Variants in BCAS1 observed in about 807,000 individuals in gnomAD.
The protein encoded by BCAS1 is breast carcinoma-amplified sequence 1.
In BCAS1, 46 loss-of-function variants were observed where a neutral mutation model predicts 65.4. The ratio of observed to expected loss-of-function variants is 0.70; its 90% confidence interval spans 0.55 to 0.90. The LOEUF (loss-of-function observed/expected upper bound fraction) is 0.90. Among genes scored for constraint, BCAS1 ranks in the 40% least tolerant of loss-of-function variants. The pLI, the probability that BCAS1 is intolerant of heterozygous loss-of-function variation, is 0.00. For synonymous variants in BCAS1, 298 were observed against 293.5 expected, an observed-to-expected ratio of 1.02 and a Z score of -0.16; for missense variants, 793 against 771.2, an observed-to-expected ratio of 1.03 and a Z score of -0.33.
In BCAS1 at chr20:54,028,824, C is replaced by A. The variant is rs150059555; in HGVS notation, c.291G>T (p.Leu97Phe). 4.2e-5 allele frequency: 67 copies of A among 1,614,044 alleles called. No individual in the cohort carries two copies. In the African/African-American group the frequency reaches 7.5e-4, roughly 18 times the overall value. The change falls in exon 4 of 13, where the codon TTG becomes TTT. Residue 97 changes from leucine (L) to phenylalanine (F), a missense_variant. Transcript: ENST00000688948. The stretch of plus-strand genomic sequence containing the variant: ...GTCCTGGTACAGGCCGAGAGAGCAT[C>A]AAGAAAAAACGAGATTTAGCAGCTG... ...EAPAAKSRFF[L>F]MLSRPVPGRT...
At chr20:53,980,734 T>G (rs1228917196) in intron 8 of BCAS1, among the ~76,000 whole-genome samples, 1 of 152,232 alleles carries the variant, frequency 6.6e-6, no homozygotes, top group Non-Finnish European at 1.5e-5. Context: ...CAAGCCTGGA[T>G]CTCACATTTA....
intron 12 of BCAS1, 60 bp from the exon 13 acceptor site, chr20:53,945,056 A>T (rs2089267696): frequency 8.1e-6 from 11 of 1,363,174 alleles, no homozygotes; most frequent in Non-Finnish European, 1.2e-5. Flanking sequence ...AACAGCAACA[A>T]TGGCCATTTA....
chr20:54,050,796 A>G (rs1325362612), intron 3 of BCAS1, among the ~76,000 whole-genome samples: 1 of 152,168 alleles, frequency 6.6e-6, no homozygotes, highest in Non-Finnish European at 1.5e-5. Context: ...TTGAGAACAT[A>G]TGTGCCTTTT....
chr20:54,070,545 C>G lies in BCAS1; in HGVS notation c.-118G>C, dbSNP rs188776378. The G allele has an allele frequency of 2.5e-3, 377 of 152,704 alleles. 2 individuals are homozygous for G. Among genetic ancestry groups the G allele is most frequent in the African/African-American group, 8.7e-3 (362 of 41,580 alleles). The allele number at this position is 152,704 out of a possible 1,614,324, so 9.5% of individuals were successfully genotyped here. ...GCCCAGTGCCTGGCTGTCGGTGGAG[C>G]CTGGCTCCCTGCACTTTGCTTCCTT... On this transcript the variant is annotated 5_prime_UTR_variant, in exon 1 of 13. Transcript: ENST00000688948.
rs1394066900 is a variant in BCAS1, at chr20:54,036,490, G to A, written c.143-7518C>T. ...TTTCCAGTGCCATCTTCGTGTAATT[G>A]TTAAGAACTTGGATTGTGGATCACA... On this transcript the variant is annotated intron_variant, in intron 3 of 12. Transcript: ENST00000688948. 6.0e-5 allele frequency among the ~76,000 whole-genome samples: 9 copies of A among 151,250 alleles called. 1 individual carries two copies. Among genetic ancestry groups the A allele is most frequent in the Non-Finnish European group, 4.4e-5 (3 of 67,634 alleles).
intron 3 of BCAS1, among the ~76,000 whole-genome samples, chr20:54,044,101 A>T (rs1223252745): frequency 6.6e-6 from 1 of 152,324 alleles, no homozygotes; most frequent in African/African-American, 2.4e-5. Flanking sequence ...AGCTGATTTT[A>T]AAAAAATGTC....
intron 3 of BCAS1, among the ~76,000 whole-genome samples, chr20:54,039,158 T>A (rs2091948496): frequency 6.6e-6 from 1 of 151,408 alleles, no homozygotes; most frequent in African/African-American, 2.4e-5. Context: ...GTTGTGCAAA[T>A]GCATTTGTTG....
intron 1 of BCAS1, among the ~76,000 whole-genome samples, chr20:54,064,263 C>T (rs2092409858): frequency 6.6e-6 from 1 of 152,226 alleles, no homozygotes; most frequent in Non-Finnish European, 1.5e-5. Flanking sequence ...TAGGTGATTT[C>T]CATGGCTGAG....
intron 10 of BCAS1, among the ~76,000 whole-genome samples, chr20:53,962,195 C>T (rs1281976084): frequency 1.3e-5 from 2 of 152,108 alleles, no homozygotes; most frequent in South Asian, 2.1e-4. Context: ...TTGTAACTAC[C>T]GTCACAGACC....
chr20:54,065,809 A>G (rs1031768903), intron 1 of BCAS1, among the ~76,000 whole-genome samples: 29 of 152,188 alleles, frequency 1.9e-4, no homozygotes, highest in South Asian at 6.2e-4. Flanking sequence ...GGTGGAGGGA[A>G]GGACCATAAT....
intron 10 of BCAS1, among the ~76,000 whole-genome samples, chr20:53,966,013 T>C (rs1381580698): frequency 2.0e-5 from 3 of 152,160 alleles, no homozygotes; most frequent in African/African-American, 7.2e-5. Flanking sequence ...AACGGAACAC[T>C]TTTACACTGT....
Position 54,058,149 on chromosome 20 carries a change from G to A in BCAS1, c.78C>T (p.Asn26=). The A allele has an allele frequency of 2.0e-5, 32 of 1,613,950 alleles. No homozygotes were observed. The highest frequency in any genetic ancestry group is 2.7e-5 in the African/African-American group (2 of 75,036). ...CTGGAACCCCGTTCAGAGCAGACGC[G>A]TTGTCCTGAAACAGAGCACGTGGCA... ...NEPEAETYQD[N]ASALNGVPVV... Residue 26 remains asparagine, a synonymous_variant, in exon 3 of 13, where the codon AAC becomes AAT. Coordinates refer to ENST00000688948, the MANE Select transcript of BCAS1 (RefSeq NM_001366298.2).
intron 4 of BCAS1, among the ~76,000 whole-genome samples, chr20:53,998,854 C>A (rs1427384080): frequency 6.6e-6 from 1 of 152,108 alleles, no homozygotes; most frequent in East Asian, 1.9e-4. Context: ...AACCACTATA[C>A]AAATAAATGC....
intron 10 of BCAS1, among the ~76,000 whole-genome samples, chr20:53,960,672 C>A (rs2299736): frequency 0.021 from 3,129 of 151,748 alleles, 81 homozygotes; most frequent in East Asian, 0.098. Context: ...CTGTTTCCTT[C>A]CTTCCTTCCT....
intron 1 of BCAS1, among the ~76,000 whole-genome samples, chr20:54,067,132 T>A (rs895686344): frequency 2.4e-4 from 37 of 152,192 alleles, no homozygotes; most frequent in African/African-American, 8.7e-4. Flanking sequence ...CCCAGCAGTT[T>A]GGGAGGCTGA....
At chr20:54,014,031 T>G (rs1355889614) in intron 4 of BCAS1, among the ~76,000 whole-genome samples, 1 of 152,200 alleles carries the variant, frequency 6.6e-6, no homozygotes, top group Non-Finnish European at 1.5e-5. Context: ...ATATGCATGA[T>G]TAACTAAAAA....
chr20:53,961,001 A>G (rs1486240300), intron 10 of BCAS1, among the ~76,000 whole-genome samples: 1 of 152,218 alleles, frequency 6.6e-6, no homozygotes, highest in African/African-American at 2.4e-5. Flanking sequence ...TTTATTCATG[A>G]CAGTCAAAGG....
chr20:53,985,171 TGAAGAA>T, intron 8 of BCAS1, 110 bp downstream of exon 8: 1 of 1,020,348 alleles, frequency 9.8e-7, no homozygotes, highest in Non-Finnish European at 1.5e-6. Context: ...CGAGTCATTT[TGAAGAA>T]GAAGAAACAC....
intron 9 of BCAS1, among the ~76,000 whole-genome samples, chr20:53,970,694 GT>G (rs1381979046): frequency 9.2e-5 from 14 of 152,204 alleles, no homozygotes; most frequent in African/African-American, 3.4e-4. Context: ...TCAGTGAAGA[GT>G]TTCCCTTTTT....
Sources: gnomAD v4.1 joint callset for allele counts (sites outside exome capture counted in the v4.1 genomes callset) on GRCh38, gnomAD v4.1.1 for gene constraint, MANE v1.5 for transcripts, NCBI Gene and HGNC (gene_info 2026-07-23, HGNC 2026-07-21) for gene names.